Variants in CHRDL1 observed in about 807,000 individuals in gnomAD.
CHRDL1 encodes chordin like 1, also known as chordin-like protein 1.
In CHRDL1, 19 loss-of-function variants were observed where a neutral mutation model predicts 40.9. That is an observed-to-expected ratio of 0.46 (90% CI 0.32 to 0.68). The LOEUF is 0.68. Ranked by LOEUF, CHRDL1 falls within the 30% of genes least tolerant of loss-of-function variation. CHRDL1 has a pLI of 0.03. For missense variants in CHRDL1, 329 were observed against 352.1 expected (o/e 0.93, Z 0.53); for synonymous variants, 136 against 123.4 (o/e 1.10, Z -0.68).
chrX:110,677,735 G>C (rs1350481630), intron 11 of CHRDL1, among the ~76,000 whole-genome samples: 1 of 111,666 alleles, frequency 9.0e-6, no homozygotes, highest in Non-Finnish European at 1.9e-5. Flanking sequence ...GACTGCCTTG[G>C]CTCTTTTTCT....
chrX:110,787,520 G>T (rs1446461744), intron 2 of CHRDL1, among the ~76,000 whole-genome samples: 1 of 112,566 alleles, frequency 8.9e-6, no homozygotes, highest in Non-Finnish European at 1.9e-5. Context: ...GCATTTGCTT[G>T]CTCAATAATC....
intron 2 of CHRDL1, among the ~76,000 whole-genome samples, chrX:110,773,364 T>C (rs1304269272): frequency 8.9e-6 from 1 of 112,153 alleles, no homozygotes; most frequent in Non-Finnish European, 1.9e-5. Flanking sequence ...TGGTTTTTAA[T>C]CTCTAAATAG....
intron 4 of CHRDL1, among the ~76,000 whole-genome samples, chrX:110,755,972 C>T (rs992886056): frequency 1.2e-4 from 13 of 111,773 alleles, no homozygotes. Flanking sequence ...TATCCTTAGT[C>T]ATTTATTCTA....
intron 4 of CHRDL1, among the ~76,000 whole-genome samples, chrX:110,751,891 A>G (rs1305214099): frequency 2.7e-5 from 3 of 112,107 alleles, no homozygotes; most frequent in Admixed American, 9.4e-5. Flanking sequence ...CAACGGAAGA[A>G]TGGATAAAGA....
intron 11 of CHRDL1, among the ~76,000 whole-genome samples, chrX:110,678,638 C>T (rs926008335): frequency 6.3e-5 from 7 of 111,773 alleles, no homozygotes; most frequent in African/African-American, 2.0e-4. Context: ...CCCCTGAGCA[C>T]TTTGATATTT....
rs752844216 is a variant in CHRDL1, at chrX:110,688,348, T to C, written c.988+246A>G. Among the ~76,000 whole-genome samples the C allele has an allele frequency of 7.1e-5, 8 of 112,034 alleles. 1 individual carries two copies. The South Asian group carries it at 3.0e-3, about 42-fold the overall frequency. On this transcript the variant is annotated intron_variant, in intron 9 of 11. Coordinates refer to ENST00000372042, the MANE Select transcript of CHRDL1 (RefSeq NM_001143981.2). Reference sequence around the variant, plus strand: ...AAATTCTCTACTATTTAGAAAAGCATAGGTAAGTTCAACACTCAGGGATAC... The same window carrying C: ...AAATTCTCTACTATTTAGAAAAGCACAGGTAAGTTCAACACTCAGGGATAC...
chrX:110,698,820 G>T (rs2070454577), intron 7 of CHRDL1, among the ~76,000 whole-genome samples: 1 of 111,794 alleles, frequency 8.9e-6, no homozygotes, highest in African/African-American at 3.3e-5. Context: ...CAGGGAATAA[G>T]TCACATAGCT....
At chrX:110,771,486 G>A (rs746483892) in intron 2 of CHRDL1, among the ~76,000 whole-genome samples, 1 of 112,311 alleles carries the variant, frequency 8.9e-6, no homozygotes, top group African/African-American at 3.2e-5. Flanking sequence ...ATACTTTTAT[G>A]AGCAAGTGGG....
intron 6 of CHRDL1, among the ~76,000 whole-genome samples, chrX:110,702,687 C>T (rs1298652876): frequency 8.9e-6 from 1 of 111,986 alleles, no homozygotes; most frequent in African/African-American, 3.2e-5. Context: ...ACTGGGAGGC[C>T]TTCTCTGACC....
rs1359620968 is a variant in CHRDL1, at chrX:110,694,117, G to A, written c.778+46C>T. The A allele has an allele frequency of 8.4e-6, 9 of 1,070,940 alleles. No homozygotes were observed. In the Admixed American group the frequency reaches 2.0e-4, roughly 24 times the overall value. The allele number at this position is 1,070,940 out of a possible 1,213,427, so 88.3% of individuals were successfully genotyped here. ...CTCCAGCCCTGCAAAGACCAGGGCT[G>A]CTGAAGCCTTGTTGTGGAAGTATAC... On this transcript the variant is annotated intron_variant, in intron 8 of 11. Coordinates refer to ENST00000372042, the MANE Select transcript of CHRDL1 (RefSeq NM_001143981.2).
intron 8 of CHRDL1, among the ~76,000 whole-genome samples, chrX:110,689,089 T>TAAAAATATATATAA: frequency 1.2e-5 from 1 of 84,527 alleles, no homozygotes; most frequent in African/African-American, 4.4e-5. Flanking sequence ...TATATATATA[T>TAAAAATATATATAA]ATATATATAT....
chrX:110,771,709 A>G (rs1213141688), intron 2 of CHRDL1, among the ~76,000 whole-genome samples: 2 of 111,730 alleles, frequency 1.8e-5, no homozygotes, highest in Non-Finnish European at 3.8e-5. Context: ...CAAAAAACCT[A>G]TAGCTAATAT....
At chrX:110,692,145 G>T (rs1261362608) in intron 8 of CHRDL1, among the ~76,000 whole-genome samples, 1 of 111,368 alleles carries the variant, frequency 9.0e-6, no homozygotes, top group Non-Finnish European at 1.9e-5. Flanking sequence ...TGATGAGCAG[G>T]GCAGGCAGGA....
At chrX:110,709,705 C>G (rs752531270) in intron 6 of CHRDL1, among the ~76,000 whole-genome samples, 1 of 112,208 alleles carries the variant, frequency 8.9e-6, no homozygotes, top group South Asian at 3.7e-4. Context: ...AAAGTGAAGT[C>G]TTAAAAATCC....
intron 4 of CHRDL1, among the ~76,000 whole-genome samples, chrX:110,759,391 C>T (rs1053738021): frequency 3.3e-4 from 37 of 112,394 alleles, no homozygotes; most frequent in African/African-American, 1.1e-3. Flanking sequence ...AATCTCTGGG[C>T]CACAATTTCC....
chrX:110,694,539 C>T (rs1003467181), intron 7 of CHRDL1, among the ~76,000 whole-genome samples: 4 of 111,531 alleles, frequency 3.6e-5, no homozygotes, highest in Non-Finnish European at 3.8e-5. Context: ...TTAATGACAA[C>T]TTGCCAAGGT....
chrX:110,699,327 T>G (rs763251391), intron 7 of CHRDL1, among the ~76,000 whole-genome samples: 52 of 111,538 alleles, frequency 4.7e-4, no homozygotes, highest in Non-Finnish European at 8.1e-4. Flanking sequence ...AGCAGCACTG[T>G]GATGTTTGTA....
chrX:110,694,236 A>G lies in CHRDL1; in HGVS notation c.705T>C (p.Ala235=), dbSNP rs2070338697. 2 of 1,206,573 alleles carry G rather than the reference A, an allele frequency of 1.7e-6. No homozygotes were observed. Among genetic ancestry groups the G allele is most frequent in the Non-Finnish European group, 1.1e-6 (1 of 892,102 alleles). ...CTGATGCTTGCTGGGAATCCATAAG[A>G]GCTCCCCGGTGACTTCTGGCCCCAG... ...RFPGARSHRG[A]LMDSQQASGT... Residue 235 remains alanine (A), a synonymous_variant, in exon 8 of 12, where the codon GCT becomes GCC. Coordinates refer to ENST00000372042, the MANE Select transcript of CHRDL1 (RefSeq NM_001143981.2).
intron 6 of CHRDL1, among the ~76,000 whole-genome samples, chrX:110,718,006 A>C (rs2070874954): frequency 1.8e-5 from 2 of 111,875 alleles, no homozygotes; most frequent in African/African-American, 6.5e-5. Flanking sequence ...AAATTTGTCC[A>C]CTTTTAATTA....
Sources: allele counts gnomAD v4.1 joint callset (sites outside exome capture counted in the v4.1 genomes callset), GRCh38; gene constraint gnomAD v4.1.1; transcripts MANE v1.5; gene names NCBI Gene and HGNC (gene_info 2026-07-23, HGNC 2026-07-21).